Variants in HECW1 observed in about 807,000 individuals in gnomAD.
The protein encoded by HECW1 is E3 ubiquitin-protein ligase HECW1.
HECW1 carries 61 observed loss-of-function variants against 182.3 expected under a neutral mutation model. The observed-to-expected ratio is 0.33, with a 90% confidence interval of 0.27 to 0.41. The LOEUF is 0.41. HECW1 is among the 10% of genes least tolerant of loss of function. The pLI, the probability that HECW1 is intolerant of heterozygous loss-of-function variation, is 1.00. For missense variants in HECW1, 1,739 were observed against 2,108.9 expected (o/e 0.82, Z 3.44); for synonymous variants, 859 against 832.6 (o/e 1.03, Z -0.55).
intron 5 of HECW1, among the ~76,000 whole-genome samples, chr7:43,353,782 A>T (rs1814756862): frequency 6.6e-6 from 1 of 152,222 alleles, no homozygotes; most frequent in Non-Finnish European, 1.5e-5. Context: ...GCCTCAACCC[A>T]CGAGAAGCAT....
At chr7:43,456,626 G>A (rs992251611) in intron 13 of HECW1, among the ~76,000 whole-genome samples, 179 bp downstream of exon 13, 12 of 146,938 alleles carry the variant, frequency 8.2e-5, no homozygotes, top group Admixed American at 2.0e-4. Context: ...ATTTGGAGGC[G>A]AGAGACAAGT....
At chr7:43,293,086 G>A (rs939992234) in intron 3 of HECW1, among the ~76,000 whole-genome samples, 1 of 151,956 alleles carries the variant, frequency 6.6e-6, no homozygotes, top group Non-Finnish European at 1.5e-5. Context: ...CGGGCGTGGT[G>A]GAAGGCGCCT....
At chr7:43,552,168 C>T in intron 27 of HECW1, 54 bp from the exon 28 acceptor site, 3 of 1,047,128 alleles carry the variant, frequency 2.9e-6, no homozygotes, top group Non-Finnish European at 4.5e-6. Flanking sequence ...TAATAATGAA[C>T]ATAGCCTTTC....
At chr7:43,270,248 A>C (rs113880860) in intron 3 of HECW1, among the ~76,000 whole-genome samples, 14 of 152,162 alleles carry the variant, frequency 9.2e-5, no homozygotes, top group African/African-American at 3.1e-4. Flanking sequence ...GCAGGTTTAG[A>C]CTTCGGATCT....
intron 16 of HECW1, among the ~76,000 whole-genome samples, chr7:43,472,969 A>G (rs1771018139): frequency 6.6e-6 from 1 of 152,114 alleles, no homozygotes; most frequent in South Asian, 2.1e-4. Context: ...GACCCCTTCA[A>G]ATCTCACACT....
chr7:43,149,957 G>A (rs1467805485), intron 2 of HECW1, among the ~76,000 whole-genome samples: 1 of 152,066 alleles, frequency 6.6e-6, no homozygotes. Flanking sequence ...TGGCATTGCT[G>A]AATGCAATGC....
At chr7:43,309,551 A>G (rs1808241079) in intron 3 of HECW1, among the ~76,000 whole-genome samples, 2 of 152,148 alleles carry the variant, frequency 1.3e-5, no homozygotes, top group South Asian at 2.1e-4. Context: ...AGACCCTACA[A>G]TCCTTTTGAG....
At chr7:43,133,072 G>A (rs746303203) in intron 2 of HECW1, among the ~76,000 whole-genome samples, 1 of 152,050 alleles carries the variant, frequency 6.6e-6, no homozygotes, top group South Asian at 2.1e-4. Flanking sequence ...TAACTAGTGC[G>A]TTTTTTCCTT....
chr7:43,352,746 A>G (rs1168627821), intron 5 of HECW1, among the ~76,000 whole-genome samples: 1 of 152,356 alleles, frequency 6.6e-6, no homozygotes, highest in Middle Eastern at 3.4e-3. Flanking sequence ...TTGGCTATAC[A>G]TCATAGGATT....
intron 8 of HECW1, among the ~76,000 whole-genome samples, chr7:43,424,129 C>T (rs1163542013): frequency 6.6e-6 from 1 of 152,162 alleles, no homozygotes; most frequent in Non-Finnish European, 1.5e-5. Flanking sequence ...CAGCCAGGCT[C>T]ATCTCTGACT....
intron 15 of HECW1, among the ~76,000 whole-genome samples, 161 bp downstream of exon 15, chr7:43,466,729 C>T (rs2077796356): frequency 1.3e-5 from 2 of 151,894 alleles, no homozygotes; most frequent in South Asian, 4.2e-4. Context: ...CGTGAGTCTC[C>T]CAAAAAGGAA....
chr7:43,114,325 C>T lies in HECW1; in HGVS notation c.-98C>T. The T allele has an allele frequency of 2.2e-6, 3 of 1,360,664 alleles. No individual in the cohort carries two copies. The highest frequency in any genetic ancestry group is 1.2e-5 in the South Asian group (1 of 81,652). The allele number at this position is 1,360,664 out of a possible 1,614,324, so 84.3% of individuals were successfully genotyped here. On this transcript the variant is annotated 5_prime_UTR_variant, in exon 2 of 30. Transcript: ENST00000395891. ...ACCCCGGCAGTGTTGTGGTCCAAGG[C>T]GTCTCAAAGCAGGTGGCCAGATCTG...
intron 8 of HECW1, among the ~76,000 whole-genome samples, chr7:43,436,592 T>G (rs2076723208): frequency 6.6e-6 from 1 of 152,102 alleles, no homozygotes; most frequent in Non-Finnish European, 1.5e-5. Flanking sequence ...TGGGGGAGCT[T>G]CTGAGCCAGG....
intron 3 of HECW1, among the ~76,000 whole-genome samples, chr7:43,301,880 A>C (rs1806848860): frequency 6.6e-6 from 1 of 151,884 alleles, no homozygotes; most frequent in African/African-American, 2.4e-5. Context: ...CTGTCAAAAA[A>C]AAAAAAAAAA....
intron 6 of HECW1, among the ~76,000 whole-genome samples, chr7:43,386,878 T>A (rs1433888836): frequency 6.6e-6 from 1 of 152,198 alleles, no homozygotes; most frequent in Non-Finnish European, 1.5e-5. Flanking sequence ...ACAAAATAAT[T>A]AAAATAGCAG....
At chr7:43,443,361 CA>C (rs1359171540) in intron 10 of HECW1, among the ~76,000 whole-genome samples, 1 of 152,188 alleles carries the variant, frequency 6.6e-6, no homozygotes, top group East Asian at 1.9e-4. Flanking sequence ...TTTCCTGTGC[CA>C]ATATACAACT....
At chr7:43,331,592 C>CA (rs71562088) in intron 5 of HECW1, among the ~76,000 whole-genome samples, 26,402 of 123,566 alleles carry the variant, frequency 0.21, 3,089 homozygotes, top group Non-Finnish European at 0.3. Flanking sequence ...GACTCTGTCT[C>CA]AAAAAAAAAA....
In HECW1 at chr7:43,444,191, AT is replaced by A; in HGVS notation, c.1046-26del. 1 of 1,575,242 alleles carries A rather than the reference AT, an allele frequency of 6.3e-7. No homozygotes were observed. The highest frequency in any genetic ancestry group is 1.4e-5 in the African/African-American group (1 of 74,004). On this transcript the variant is annotated intron_variant, in intron 10 of 29. Transcript: ENST00000395891. This position sits in a 1 kb window ranked among gnomAD's most constrained non-coding sequence, Gnocchi z 4.3. The stretch of plus-strand genomic sequence containing the variant: ...ACCACAATGCTCTCTTCTGGGAGAA[AT>A]GACATATTTTTCTTCTTACCAGCAG...
chr7:43,261,047 C>A (rs901661548), intron 3 of HECW1, among the ~76,000 whole-genome samples: 2 of 152,078 alleles, frequency 1.3e-5, no homozygotes, highest in African/African-American at 4.8e-5. Flanking sequence ...TTGGTAAATG[C>A]TGAAGTAGGA....
Sources: allele counts gnomAD v4.1 joint callset (sites outside exome capture counted in the v4.1 genomes callset), GRCh38; gene constraint gnomAD v4.1.1; non-coding constraint Gnocchi (gnomAD v3.1); transcripts MANE v1.5; gene names NCBI Gene and HGNC (gene_info 2026-07-23, HGNC 2026-07-21).